SYT16: variants seen among roughly 807,000 people sequenced by gnomAD.
SYT16 encodes the protein synaptotagmin-16.
In SYT16, 42 loss-of-function variants were observed where a neutral mutation model predicts 61.4. That is an observed-to-expected ratio of 0.68 (90% CI 0.53 to 0.89). The LOEUF (loss-of-function observed/expected upper bound fraction) is 0.89, where lower values mean the gene tolerates loss of function less well. SYT16 is among the 40% of genes least tolerant of loss of function. The pLI is 0.00. For missense variants in SYT16, 804 were observed against 807.3 expected (o/e 1.00, Z 0.05); for synonymous variants, 314 against 302.3 (o/e 1.04, Z -0.40).
intron 1 of SYT16, among the ~76,000 whole-genome samples, chr14:61,913,213 T>G (rs1444450135): frequency 6.6e-6 from 1 of 152,178 alleles, no homozygotes; most frequent in East Asian, 1.9e-4. Context: ...TGCTCATGAG[T>G]ATAGGGATTT....
intron 3 of SYT16, among the ~76,000 whole-genome samples, chr14:62,047,078 A>G (rs1243174610): frequency 1.3e-5 from 2 of 152,112 alleles, no homozygotes; most frequent in Non-Finnish European, 1.5e-5. Context: ...GATTCTTCCT[A>G]CCCATTAGCA....
At chr14:61,862,810 A>G (rs776215297) in intron 1 of SYT16, among the ~76,000 whole-genome samples, 7 of 152,062 alleles carry the variant, frequency 4.6e-5, no homozygotes, top group African/African-American at 7.2e-5. Context: ...AATTACTGAT[A>G]TTTTTACTGT....
At chr14:61,902,352 C>T (rs573076734) in intron 1 of SYT16, among the ~76,000 whole-genome samples, 323 of 152,264 alleles carry the variant, frequency 2.1e-3, no homozygotes, top group African/African-American at 7.6e-3. Context: ...GATAAAAGTC[C>T]TGATTATATT....
At chr14:61,916,160 C>A (rs954572290) in intron 1 of SYT16, among the ~76,000 whole-genome samples, 5 of 152,080 alleles carry the variant, frequency 3.3e-5, no homozygotes, top group African/African-American at 1.2e-4. Context: ...AATTCCAAAT[C>A]AATAACTTCA....
intron 1 of SYT16, among the ~76,000 whole-genome samples, chr14:61,814,316 A>T (rs1188587126): frequency 1.3e-5 from 2 of 152,184 alleles, no homozygotes; most frequent in Non-Finnish European, 2.9e-5. Flanking sequence ...TTGAAGCTTT[A>T]CTTAACAAAG....
At chr14:62,098,999 G>T (rs1460612392) in intron 7 of SYT16, among the ~76,000 whole-genome samples, 1 of 152,164 alleles carries the variant, frequency 6.6e-6, no homozygotes, top group Non-Finnish European at 1.5e-5. Flanking sequence ...CAGGGAAAAA[G>T]AACAAATTGG....
intron 3 of SYT16, among the ~76,000 whole-genome samples, chr14:62,027,958 T>C (rs2054165105): frequency 6.6e-6 from 1 of 152,194 alleles, no homozygotes. Context: ...AATGTGGGAT[T>C]TGATTCCTTG....
chr14:62,112,207 G>A lies in SYT16; in HGVS notation c.*11500G>A, dbSNP rs2057621227. 6.6e-6 allele frequency: 1 copy of A among 152,052 alleles called. No individual in the cohort carries two copies. The highest frequency in any genetic ancestry group is 2.4e-5 in the African/African-American group (1 of 41,432). The allele number at this position is 152,052 out of a possible 1,614,324, so 9.4% of individuals were successfully genotyped here. A position where few individuals can be genotyped will look rare whatever the true frequency, so the allele number is the denominator to read the frequency against. On this transcript the variant is annotated 3_prime_UTR_variant, in exon 8 of 8. Coordinates refer to ENST00000683842, the MANE Select transcript of SYT16 (RefSeq NM_001367656.1). ...ATGCCCTCTGAAAATGTTAGAAAAT[G>A]TAAAACTTTACCTGTGACAAGGAAT...
chr14:61,842,342 TAGCC>T (rs2046322832), intron 1 of SYT16, among the ~76,000 whole-genome samples: 1 of 152,210 alleles, frequency 6.6e-6, no homozygotes, highest in Non-Finnish European at 1.5e-5. Context: ...TAGCCTCTGA[TAGCC>T]AGCCACCCTT....
chr14:62,109,100 A>G lies in SYT16; in HGVS notation c.*8393A>G, dbSNP rs1372987227. The stretch of plus-strand genomic sequence containing the variant: ...GTTGTGTATTTTATGGGTTTTGACC[A>G]ATGCACAATGACGTGTGTCCACTAT... On this transcript the variant is annotated 3_prime_UTR_variant, in exon 8 of 8. Coordinates refer to ENST00000683842, the MANE Select transcript of SYT16 (RefSeq NM_001367656.1). The G allele has an allele frequency of 6.6e-6, 1 of 152,178 alleles. No individual in the cohort carries two copies. Among genetic ancestry groups the G allele is most frequent in the Non-Finnish European group, 1.5e-5 (1 of 68,036 alleles). 9.4% of individuals were successfully genotyped at this position (152,178 alleles called of 1,614,324 possible).
At chr14:61,832,268 C>G (rs992044167) in intron 1 of SYT16, 5 of 598,032 alleles carry the variant, frequency 8.4e-6, no homozygotes, top group Middle Eastern at 5.8e-4. Flanking sequence ...AAGCTGGGAG[C>G]GCATAGTCAT....
intron 1 of SYT16, among the ~76,000 whole-genome samples, chr14:61,913,267 C>T (rs1411268135): frequency 6.6e-6 from 1 of 152,084 alleles, no homozygotes; most frequent in Non-Finnish European, 1.5e-5. Context: ...GTGCCCAGAA[C>T]ATAGCATATG....
In SYT16 at chr14:62,103,054, A is replaced by G. The variant is rs1384921391; in HGVS notation, c.*2347A>G. ...GCATGTACATCTTGAATATACAGCAACATTCACCCTCAGCTGATTGTATAC... is the reference window on the plus strand; with the variant it reads ...GCATGTACATCTTGAATATACAGCAGCATTCACCCTCAGCTGATTGTATAC... On this transcript the variant is annotated 3_prime_UTR_variant, in exon 8 of 8. Coordinates refer to ENST00000683842, the MANE Select transcript of SYT16 (RefSeq NM_001367656.1). The G allele has an allele frequency of 6.6e-6, 1 of 152,224 alleles. No individual in the cohort carries two copies. The highest frequency in any genetic ancestry group is 1.5e-5 in the Non-Finnish European group (1 of 68,022). 9.4% of individuals were successfully genotyped at this position (152,224 alleles called of 1,614,324 possible). A position where few individuals can be genotyped will look rare whatever the true frequency, so the allele number is the denominator to read the frequency against.
rs187795638 is a variant in SYT16, at chr14:62,108,046, A to C, written c.*7339A>C. On this transcript the variant is annotated 3_prime_UTR_variant, in exon 8 of 8. Coordinates refer to ENST00000683842, the MANE Select transcript of SYT16 (RefSeq NM_001367656.1). Reference sequence around the variant, plus strand: ...CAGAGAAAGAGGTGACAATCTAAACAAAGAGCCCTGCTTACCTTTCTGTGA... The same window carrying C: ...CAGAGAAAGAGGTGACAATCTAAACCAAGAGCCCTGCTTACCTTTCTGTGA... 6.6e-6 allele frequency: 1 copy of C among 152,312 alleles called. No individual in the cohort carries two copies. The highest frequency in any genetic ancestry group is 1.9e-4 in the East Asian group (1 of 5,178). 9.4% of individuals were successfully genotyped at this position (152,312 alleles called of 1,614,324 possible). A position where few individuals can be genotyped will look rare whatever the true frequency, so the allele number is the denominator to read the frequency against.
chr14:62,007,115 A>G (rs1280805673), intron 3 of SYT16, among the ~76,000 whole-genome samples: 1 of 152,164 alleles, frequency 6.6e-6, no homozygotes, highest in Non-Finnish European at 1.5e-5. Flanking sequence ...TTCTGTCAGT[A>G]TTATTGGGAT....
chr14:62,096,401 A>G (rs768166321), intron 7 of SYT16, among the ~76,000 whole-genome samples: 4 of 152,118 alleles, frequency 2.6e-5, no homozygotes, highest in Non-Finnish European at 5.9e-5. Context: ...AAAATAGAGA[A>G]AAACGTTCAC....
intron 3 of SYT16, among the ~76,000 whole-genome samples, chr14:62,033,975 C>G (rs1321702333): frequency 2.6e-5 from 4 of 151,740 alleles, no homozygotes; most frequent in South Asian, 2.1e-4. Context: ...AAGGGACATG[C>G]ATCAAGAATG....
intron 1 of SYT16, among the ~76,000 whole-genome samples, chr14:61,909,576 A>T (rs1390952737): frequency 6.6e-6 from 1 of 151,990 alleles, no homozygotes; most frequent in East Asian, 1.9e-4. Flanking sequence ...TGGATTTGGG[A>T]CTCATTGGGA....
chr14:62,017,295 T>A (rs2053727601), intron 3 of SYT16, among the ~76,000 whole-genome samples: 1 of 152,218 alleles, frequency 6.6e-6, no homozygotes, highest in Non-Finnish European at 1.5e-5. Context: ...CCCTGACTTC[T>A]AAATGTTACC....
Sources: gnomAD v4.1 joint callset for allele counts (sites outside exome capture counted in the v4.1 genomes callset) on GRCh38, gnomAD v4.1.1 for gene constraint, MANE v1.5 for transcripts, NCBI Gene and HGNC (gene_info 2026-07-23, HGNC 2026-07-21) for gene names.